IGF2BP1: variants seen among roughly 807,000 people sequenced by gnomAD.
IGF2BP1 encodes the protein insulin-like growth factor 2 mRNA-binding protein 1.
In IGF2BP1, 11 loss-of-function variants were observed where a neutral mutation model predicts 74.9. The ratio of observed to expected loss-of-function variants is 0.15; its 90% CI spans 0.09 to 0.24. IGF2BP1 has a LOEUF of 0.24. IGF2BP1 is among the 10% of genes least tolerant of loss of function. IGF2BP1 has a pLI of 1.00. For synonymous variants in IGF2BP1, 287 were observed against 281.8 expected (o/e 1.02, Z -0.18); for missense variants, 440 against 757.4 (o/e 0.58, Z 4.92).
At chr17:49,039,674 G>A (rs919916666) in intron 6 of IGF2BP1, among the ~76,000 whole-genome samples, 2 of 152,134 alleles carry the variant, frequency 1.3e-5, no homozygotes, top group South Asian at 4.2e-4. Flanking sequence ...TAACCCACCC[G>A]CCTCGGCCTC....
chr17:49,043,939 CT>C, intron 10 of IGF2BP1, 27 bp from the exon 11 acceptor site: 3 of 1,610,806 alleles, frequency 1.9e-6, no homozygotes, highest in African/African-American at 1.3e-5. Context: ...CTTGGGCCCC[CT>C]GGTAACAACG....
intron 14 of IGF2BP1, among the ~76,000 whole-genome samples, chr17:49,046,738 T>C (rs1310756649): frequency 6.6e-6 from 1 of 151,832 alleles, no homozygotes; most frequent in African/African-American, 2.4e-5. Context: ...GAAGATTAGT[T>C]TTGTTCATGG....
chr17:49,014,556 G>C (rs143853874), intron 2 of IGF2BP1, among the ~76,000 whole-genome samples: 46 of 152,106 alleles, frequency 3.0e-4, no homozygotes, highest in South Asian at 2.1e-3. Context: ...GGGCACTTGA[G>C]GGGGGGAGGA....
intron 4 of IGF2BP1, among the ~76,000 whole-genome samples, chr17:49,030,331 T>G (rs1374191697): frequency 1.3e-5 from 2 of 151,898 alleles, no homozygotes; most frequent in African/African-American, 4.8e-5. Context: ...CAGTGGAGAC[T>G]GGGTTTTGCC....
At position 48,997,547 on chromosome 17, in the gene IGF2BP1, C is replaced by T; in HGVS notation, c.-199C>T. ...GCCGCGGGCACTTCTCCTGGGCTCT[C>T]CCCGAACTCTCCCGCGACCTCTGCG... On this transcript the variant is annotated 5_prime_UTR_variant, in exon 1 of 15. Coordinates refer to ENST00000290341, the MANE Select transcript of IGF2BP1 (RefSeq NM_006546.4). The surrounding 1 kb of genome is among the most constrained non-coding windows in gnomAD (Gnocchi z 4.8). 2 of 593,026 alleles carry T rather than the reference C, an allele frequency of 3.4e-6. No individual in the cohort carries two copies. The highest frequency in any genetic ancestry group is 1.9e-5 in the African/African-American group (1 of 52,964). 36.7% of individuals were successfully genotyped at this position (593,026 alleles called of 1,614,324 possible).
chr17:49,049,624 A>G lies in IGF2BP1; in HGVS notation c.*180A>G. On this transcript the variant is annotated 3_prime_UTR_variant, in exon 15 of 15. Transcript: ENST00000290341. ...GAGGAACCCTGATCTCTCAGCCCCA[A>G]ACACCCACCCAATTGGCCCAACACT... 2 of 579,478 alleles carry G rather than the reference A, an allele frequency of 3.5e-6. No individual in the cohort carries two copies. Among genetic ancestry groups the G allele is most frequent in the Non-Finnish European group, 6.2e-6 (2 of 324,904 alleles). 35.9% of individuals were successfully genotyped at this position (579,478 alleles called of 1,614,324 possible).
intron 2 of IGF2BP1, among the ~76,000 whole-genome samples, chr17:49,009,090 C>T (rs1344380963): frequency 1.3e-5 from 2 of 151,960 alleles, no homozygotes; most frequent in Admixed American, 6.6e-5. Context: ...TGCTGTGGTG[C>T]CATCTTGGCT....
At chr17:49,007,698 A>T (rs956831398) in intron 2 of IGF2BP1, among the ~76,000 whole-genome samples, 1 of 152,148 alleles carries the variant, frequency 6.6e-6, no homozygotes, top group African/African-American at 2.4e-5. Flanking sequence ...AGGAAGAGAA[A>T]ATGAGGGAGA....
intron 10 of IGF2BP1, 48 bp downstream of exon 10, chr17:49,043,598 C>T (rs1229677911): frequency 6.2e-7 from 1 of 1,605,556 alleles, no homozygotes; most frequent in Non-Finnish European, 8.5e-7. Context: ...CATATGTGGC[C>T]TCCCTTAAGG....
intron 2 of IGF2BP1, among the ~76,000 whole-genome samples, chr17:49,009,099 C>A (rs1237058615): frequency 2.6e-5 from 4 of 152,066 alleles, no homozygotes; most frequent in Non-Finnish European, 4.4e-5. Flanking sequence ...GCCATCTTGG[C>A]TCACTGCAGC....
intron 14 of IGF2BP1, 46 bp downstream of exon 14, chr17:49,046,419 G>A: frequency 7.0e-7 from 1 of 1,433,512 alleles, no homozygotes; most frequent in Non-Finnish European, 9.8e-7. Context: ...AGGAGCCCAG[G>A]GAGCAGAGAA....
chr17:48,999,646 A>G (rs2143906248), intron 2 of IGF2BP1, among the ~76,000 whole-genome samples: 1 of 152,094 alleles, frequency 6.6e-6, no homozygotes, highest in Non-Finnish European at 1.5e-5. Flanking sequence ...CCGGCCCCCA[A>G]AGAATCCCCT....
In IGF2BP1 at chr17:49,010,341, C is replaced by T. The variant is rs760791906; in HGVS notation, c.236+11172C>T. 1.3e-4 allele frequency among the ~76,000 whole-genome samples: 14 copies of T among 109,792 alleles called. 1 individual carries two copies. Among genetic ancestry groups the T allele is most frequent in the African/African-American group, 3.6e-5 (1 of 27,650 alleles). The allele number at this position is 109,792 out of a possible 152,430, so 72.0% of individuals were successfully genotyped here. On this transcript the variant is annotated intron_variant, in intron 2 of 14. Transcript: ENST00000290341. ...TTTTTTTTTTTTTTTTTTTTTGAGA[C>T]AGTCTTGCTCTGTCGCCCAGGCTGG...
intron 4 of IGF2BP1, among the ~76,000 whole-genome samples, chr17:49,029,480 G>C (rs897431372): frequency 2.0e-5 from 3 of 152,182 alleles, no homozygotes; most frequent in African/African-American, 7.2e-5. Context: ...TTGCACTGAA[G>C]TTTGTGACCA....
intron 2 of IGF2BP1, among the ~76,000 whole-genome samples, chr17:49,023,884 A>G (rs990035797): frequency 6.7e-6 from 1 of 150,046 alleles, no homozygotes; most frequent in Non-Finnish European, 1.5e-5. Context: ...CTGGGAGTCG[A>G]CCCTGAGCCT....
intron 3 of IGF2BP1, among the ~76,000 whole-genome samples, 187 bp downstream of exon 3, chr17:49,025,853 C>CTTTTTTTT (rs749731111): frequency 2.1e-5 from 3 of 140,364 alleles, no homozygotes; most frequent in African/African-American, 8.4e-5. Context: ...TCTTTCTTTT[C>CTTTTTTTT]TTTCTTTTTT....
At chr17:49,034,268 C>T (rs765742715) in intron 5 of IGF2BP1, among the ~76,000 whole-genome samples, 6 of 151,984 alleles carry the variant, frequency 3.9e-5, no homozygotes, top group Non-Finnish European at 5.9e-5. Flanking sequence ...CAGGTGTCTG[C>T]CACCATGCCT....
intron 7 of IGF2BP1, among the ~76,000 whole-genome samples, chr17:49,040,818 G>T (rs2042044085): frequency 6.6e-6 from 1 of 152,180 alleles, no homozygotes; most frequent in South Asian, 2.1e-4. Context: ...TTCTTGATGG[G>T]TGTTTAAATT....
intron 5 of IGF2BP1, among the ~76,000 whole-genome samples, chr17:49,037,661 C>T (rs968726174): frequency 6.6e-6 from 1 of 152,200 alleles, no homozygotes; most frequent in Non-Finnish European, 1.5e-5. Flanking sequence ...TTTCAATCTC[C>T]TTTGACCTTG....
Sources: allele counts gnomAD v4.1 joint callset (sites outside exome capture counted in the v4.1 genomes callset), GRCh38; gene constraint gnomAD v4.1.1; non-coding constraint Gnocchi (gnomAD v3.1); transcripts MANE v1.5; gene names NCBI Gene and HGNC (gene_info 2026-07-23, HGNC 2026-07-21).